The following ZNF521 variants were observed in gnomAD, a reference collection of about 807,000 sequenced individuals.
ZNF521 encodes the protein zinc finger protein 521, also known as LYST-interacting protein 3.
In ZNF521, 14 loss-of-function variants were observed where a neutral mutation model predicts 105.5. That is an observed-to-expected ratio of 0.13 (90% CI 0.09 to 0.21). ZNF521 has a LOEUF of 0.21. Among genes scored for constraint, ZNF521 ranks in the 10% least tolerant of loss-of-function variants. The pLI is 1.00. For synonymous variants in ZNF521, 635 were observed against 606.0 expected (o/e 1.05, Z -0.70); for missense variants, 1,233 against 1,629.7 (o/e 0.76, Z 4.19).
intron 3 of ZNF521, among the ~76,000 whole-genome samples, chr18:25,239,784 G>C (rs1371435600): frequency 6.6e-6 from 1 of 152,160 alleles, no homozygotes; most frequent in East Asian, 1.9e-4. Context: ...GGAAATAGGA[G>C]GGGGGAGGAG....
At chr18:25,311,700 A>C (rs1357239169) in intron 3 of ZNF521, among the ~76,000 whole-genome samples, 1 of 152,168 alleles carries the variant, frequency 6.6e-6, no homozygotes, top group Non-Finnish European at 1.5e-5. Context: ...GACATGGGAG[A>C]AATTCTTGAA....
intron 3 of ZNF521, among the ~76,000 whole-genome samples, chr18:25,277,051 C>A (rs1322451616): frequency 6.6e-6 from 1 of 151,968 alleles, no homozygotes; most frequent in East Asian, 1.9e-4. Context: ...AGTGTGGTGG[C>A]ACACGCTTGT....
Position 25,330,386 on chromosome 18 carries a change from G to A in ZNF521, c.41-8199C>T, listed in dbSNP as rs190139981. On this transcript the variant is annotated intron_variant, in intron 2 of 7. Coordinates refer to ENST00000361524, the MANE Select transcript of ZNF521 (RefSeq NM_015461.3). ...TCACCATGTTGGCCAGGATGGTCTC[G>A]ATCTCTTGACCTCATGATCCACCCG... 9.2e-3 allele frequency among the ~76,000 whole-genome samples: 1,388 copies of A among 151,576 alleles called. 10 individuals are homozygous for A. Among genetic ancestry groups the A allele is most frequent in the Non-Finnish European group, 0.014 (959 of 67,858 alleles).
intron 3 of ZNF521, among the ~76,000 whole-genome samples, chr18:25,275,401 T>C (rs948867421): frequency 2.0e-5 from 3 of 152,156 alleles, no homozygotes; most frequent in African/African-American, 7.2e-5. Context: ...TTAAGATGAA[T>C]GCAAACTAGT....
chr18:25,170,063 A>G lies in ZNF521; in HGVS notation c.3658+25097T>C, dbSNP rs193262177. On this transcript the variant is annotated intron_variant, in intron 5 of 7. Coordinates refer to ENST00000361524, the MANE Select transcript of ZNF521 (RefSeq NM_015461.3). ...CATAAACAAGAGTTTACAGTCAATA[A>G]GACTAGCAATACCTCAGTTAAGCTG... is the stretch of plus-strand genomic sequence containing the variant. 1.4e-4 allele frequency among the ~76,000 whole-genome samples: 21 copies of G among 152,218 alleles called. No individual in the cohort carries two copies. In the East Asian group the frequency reaches 4.1e-3, roughly 29 times the overall value.
At chr18:25,252,511 A>G (rs1908187352) in intron 3 of ZNF521, among the ~76,000 whole-genome samples, 1 of 151,872 alleles carries the variant, frequency 6.6e-6, no homozygotes, top group African/African-American at 2.4e-5. Flanking sequence ...AGAGGACTAC[A>G]TTGCAACTTA....
At position 25,155,371 on chromosome 18, in the gene ZNF521, C is replaced by T. The variant is rs1447688138; in HGVS notation, c.3658+39789G>A. On this transcript the variant is annotated intron_variant, in intron 5 of 7. Coordinates refer to ENST00000361524, the MANE Select transcript of ZNF521 (RefSeq NM_015461.3). ...TAGCAATTCCCTTTTCATTTTGTTGCTTTTTTCCACAGCAGATTTTTTTCT... is the reference window on the plus strand; with the variant it reads ...TAGCAATTCCCTTTTCATTTTGTTGTTTTTTTCCACAGCAGATTTTTTTCT... Among the ~76,000 whole-genome samples, 3 of 151,992 alleles carry T rather than the reference C, an allele frequency of 2.0e-5. No individual in the cohort carries two copies. The East Asian group carries it at 5.8e-4, about 29-fold the overall frequency.
chr18:25,273,046 G>T (rs1182748679), intron 3 of ZNF521, among the ~76,000 whole-genome samples: 1 of 151,052 alleles, frequency 6.6e-6, no homozygotes, highest in Admixed American at 6.6e-5. Flanking sequence ...GGGCAACATG[G>T]CAAAATCCTC....
chr18:25,346,232 G>A (rs183124068), intron 2 of ZNF521, among the ~76,000 whole-genome samples: 1 of 151,712 alleles, frequency 6.6e-6, no homozygotes. Flanking sequence ...CTTTACTGAT[G>A]AGGTTTTTTT....
At chr18:25,239,638 G>C (rs1907169514) in intron 3 of ZNF521, among the ~76,000 whole-genome samples, 1 of 152,196 alleles carries the variant, frequency 6.6e-6, no homozygotes, top group African/African-American at 2.4e-5. Context: ...TAGAATTGCT[G>C]ATTAAATGCC....
rs142878341 is a variant in ZNF521 at position 25,126,624 on chromosome 18, C to T, written c.3659-34543G>A. Among the ~76,000 whole-genome samples the T allele has an allele frequency of 3.5e-4, 53 of 152,188 alleles. No individual in the cohort carries two copies. The East Asian group carries it at 6.4e-3, about 18-fold the overall frequency. ...CTATTAAAGGACTGAATAGGAGCCA[C>T]ATACAACCATTCTAGAAATATCTAT... is the stretch of plus-strand genomic sequence containing the variant. On this transcript the variant is annotated intron_variant, in intron 5 of 7. Transcript: ENST00000361524.
In ZNF521 at chr18:25,321,993, A is replaced by G. The variant is rs561792654; in HGVS notation, c.220+15T>C. Reference sequence around the variant, plus strand: ...AACAGTACAAGAAGACAAAAAAGTGATAAGTATTGTTTACCTGTCAGTTGA... The same window carrying G: ...AACAGTACAAGAAGACAAAAAAGTGGTAAGTATTGTTTACCTGTCAGTTGA... On this transcript the variant is annotated intron_variant, in intron 3 of 7. Coordinates refer to ENST00000361524, the MANE Select transcript of ZNF521 (RefSeq NM_015461.3). The G allele has an allele frequency of 4.3e-6, 7 of 1,610,322 alleles. No individual in the cohort carries two copies. The highest frequency in any genetic ancestry group is 5.9e-6 in the Non-Finnish European group (7 of 1,177,988).
chr18:25,227,118 T>C lies in ZNF521; in HGVS notation c.800A>G (p.Glu267Gly). ...ATTTGGGGAGCATTCGGGGTGGCAC[T>C]CTGCAATGTGTTTTTGGAGGTCTTC... ...FPEDLQKHIA[E>G]CHPECSPNED... Residue 267 changes from glutamate (E) to glycine (G), a missense_variant, in exon 4 of 8, where the codon GAG becomes GGG. Glu to Gly is a moderately conservative substitution (Grantham distance 98). Transcript: ENST00000361524. The surrounding 1 kb of genome is among the most constrained non-coding windows in gnomAD (Gnocchi z 5.7). The C allele has an allele frequency of 6.2e-7, 1 of 1,614,166 alleles. No individual in the cohort carries two copies. Among genetic ancestry groups the C allele is most frequent in the Non-Finnish European group, 8.5e-7 (1 of 1,180,016 alleles).
rs1274156082 is a variant in ZNF521, at chr18:25,089,510, G to T, written c.3861C>A (p.Asp1287Glu). ...AAAACTTCTGTGGACATTGTGTACA[G>T]TCATAGATCTTGTCTTCTTGTCCAT... The part of the protein sequence containing the change: ...SAHGQEDKIY[D>E]CTQCPQKFFF... The change falls in exon 7 of 8, where the codon GAC becomes GAA. Residue 1287 changes from aspartate (D) to glutamate (E), a missense_variant. By Grantham distance (45) the Asp-to-Glu change is conservative. Transcript: ENST00000361524. 3.1e-6 allele frequency: 5 copies of T among 1,614,176 alleles called. No individual in the cohort carries two copies. Among genetic ancestry groups the T allele is most frequent in the Non-Finnish European group, 4.2e-6 (5 of 1,180,028 alleles).
chr18:25,303,315 A>T (rs62083939), intron 3 of ZNF521, among the ~76,000 whole-genome samples: 36,335 of 87,512 alleles, frequency 0.42, 5,050 homozygotes, highest in African/African-American at 0.57. Flanking sequence ...TGTGTGAGAG[A>T]GAGACGGAGT....
intron 4 of ZNF521, chr18:25,202,683 A>G (rs2036013474): frequency 6.6e-6 from 1 of 152,226 alleles, no homozygotes; most frequent in African/African-American, 2.4e-5. Context: ...GAGCAGTAGC[A>G]CCAGTATTTT....
chr18:25,116,424 A>G (rs2034303324), intron 5 of ZNF521, among the ~76,000 whole-genome samples: 1 of 152,206 alleles, frequency 6.6e-6, no homozygotes, highest in Non-Finnish European at 1.5e-5. Context: ...AACAAACTAC[A>G]AAAACTAACA....
At chr18:25,188,797 T>A (rs2035770625) in intron 5 of ZNF521, among the ~76,000 whole-genome samples, 1 of 152,178 alleles carries the variant, frequency 6.6e-6, no homozygotes. Context: ...CATCCAGTAA[T>A]TCTCCTTGAG....
At chr18:25,182,276 C>T (rs1200973537) in intron 5 of ZNF521, among the ~76,000 whole-genome samples, 2 of 152,150 alleles carry the variant, frequency 1.3e-5, no homozygotes, top group African/African-American at 4.8e-5. Context: ...AGATGATGCA[C>T]AGCTTAAGCT....
Sources: allele counts gnomAD v4.1 joint callset (sites outside exome capture counted in the v4.1 genomes callset), GRCh38; gene constraint gnomAD v4.1.1; non-coding constraint Gnocchi (gnomAD v3.1); transcripts MANE v1.5; gene names NCBI Gene and HGNC (gene_info 2026-07-23, HGNC 2026-07-21).